Variants in SF3A3 observed in about 807,000 individuals in gnomAD.
SF3A3 encodes the protein SAP 61.
SF3A3 carries 9 observed loss-of-function variants against 85.8 expected under a neutral mutation model. That is an observed-to-expected ratio of 0.10 (90% CI 0.06 to 0.18). The LOEUF (loss-of-function observed/expected upper bound fraction) is 0.18, where lower values mean the gene tolerates loss of function less well. SF3A3 is among the 10% of genes least tolerant of loss of function. The probability of loss-of-function intolerance (pLI) is 1.00; values close to 1 mark genes in which losing one functional copy is unlikely to be tolerated. For synonymous variants in SF3A3, 195 were observed against 204.4 expected, an observed-to-expected ratio of 0.95 and a Z score of 0.39; for missense variants, 306 against 593.3, an observed-to-expected ratio of 0.52 and a Z score of 5.03.
intron 12 of SF3A3, among the ~76,000 whole-genome samples, chr1:37,975,630 A>T (rs971067647): frequency 1.3e-5 from 2 of 152,198 alleles, no homozygotes; most frequent in African/African-American, 4.8e-5. Flanking sequence ...AGCACAGCCC[A>T]AGTTCACAGC....
intron 8 of SF3A3, among the ~76,000 whole-genome samples, chr1:37,980,200 G>A (rs553613167): frequency 3.5e-4 from 53 of 152,240 alleles, no homozygotes; most frequent in African/African-American, 1.0e-3. Context: ...CGAGGTGGGC[G>A]GATCACCTGA....
At chr1:37,980,762 G>A in intron 7 of SF3A3, 38 bp from the exon 8 acceptor site, 2 of 1,528,984 alleles carry the variant, frequency 1.3e-6, no homozygotes, top group Non-Finnish European at 8.9e-7. Flanking sequence ...AGCAAAAAGG[G>A]TTTCTATTTT....
At chr1:37,977,775 G>A (rs1410326038) in intron 11 of SF3A3, among the ~76,000 whole-genome samples, 2 of 152,008 alleles carry the variant, frequency 1.3e-5, no homozygotes, top group Non-Finnish European at 2.9e-5. Context: ...GGCGGTGGAG[G>A]TTGCAGCGAG....
At position 37,962,667 on chromosome 1, in the gene SF3A3, C is replaced by T. The variant is rs924700635; in HGVS notation, c.1373-2492G>A. On this transcript the variant is annotated intron_variant, in intron 15 of 16. Transcript: ENST00000373019. The stretch of plus-strand genomic sequence containing the variant: ...GACCAATCACCTAAATGGCGATTTC[C>T]GGTGGCAATTTCAGAGGGCTCTTTC... 8.6e-5 allele frequency among the ~76,000 whole-genome samples: 13 copies of T among 150,666 alleles called. No individual in the cohort carries two copies. In the East Asian group the frequency reaches 9.7e-4, roughly 11 times the overall value.
chr1:37,969,121 C>G (rs893174542), intron 14 of SF3A3, among the ~76,000 whole-genome samples: 1 of 152,040 alleles, frequency 6.6e-6, no homozygotes, highest in Non-Finnish European at 1.5e-5. Flanking sequence ...AAGAGAAAAC[C>G]AAATAAGGTT....
chr1:37,963,305 C>A (rs1363896086), intron 15 of SF3A3, among the ~76,000 whole-genome samples: 1 of 152,062 alleles, frequency 6.6e-6, no homozygotes, highest in African/African-American at 2.4e-5. Flanking sequence ...AAGAGCAAGA[C>A]CCTGTCTCAG....
At chr1:37,974,078 T>C (rs977186237) in intron 12 of SF3A3, among the ~76,000 whole-genome samples, 5 of 151,932 alleles carry the variant, frequency 3.3e-5, no homozygotes, top group African/African-American at 1.2e-4. Flanking sequence ...TCGGGACCTG[T>C]TGTGGGGTTG....
intron 11 of SF3A3, among the ~76,000 whole-genome samples, chr1:37,977,375 G>C (rs577327398): frequency 6.6e-6 from 1 of 152,178 alleles, no homozygotes; most frequent in East Asian, 1.9e-4. Context: ...CTAATTTTCT[G>C]GGTTGTTGTG....
chr1:37,967,972 T>C, intron 15 of SF3A3, 72 bp downstream of exon 15: 1 of 860,484 alleles, frequency 1.2e-6, no homozygotes, highest in Non-Finnish European at 2.0e-6. Context: ...ATACACAGGG[T>C]ATTAGGATGC....
chr1:37,978,577 T>A, intron 11 of SF3A3, 143 bp downstream of exon 11: 1 of 600,402 alleles, frequency 1.7e-6, no homozygotes. Context: ...CTCTCTGCTA[T>A]TAGCAGAGAT....
At chr1:37,970,084 C>A (rs1237014484) in intron 12 of SF3A3, among the ~76,000 whole-genome samples, 1 of 152,118 alleles carries the variant, frequency 6.6e-6, no homozygotes, top group Non-Finnish European at 1.5e-5. Flanking sequence ...GTGGGAGAAT[C>A]ACTTGAGGCC....
chr1:37,989,773 G>GGCAGGGGGCGGAGC lies in SF3A3; in HGVS notation c.96+96_96+97insGCTCCGCCCCCTGC, dbSNP rs566751512. 4.3e-4 allele frequency: 531 copies of GGCAGGGGGCGGAGC among 1,242,844 alleles called. 6 individuals are homozygous for GGCAGGGGGCGGAGC. The South Asian group carries it at 5.6e-3, about 13-fold the overall frequency. The allele number at this position is 1,242,844 out of a possible 1,614,324, so 77.0% of individuals were successfully genotyped here. On this transcript the variant is annotated intron_variant, in intron 1 of 16. Coordinates refer to ENST00000373019, the MANE Select transcript of SF3A3 (RefSeq NM_006802.4). ...AGCTCGGAGAGGGAGCCCGGAGGAA[G>GGCAGGGGGCGGAGC]GCAGGGAGGTTCTGAGGGCCAAAGC... is the stretch of plus-strand genomic sequence containing the variant.
intron 9 of SF3A3, 156 bp downstream of exon 9, chr1:37,979,308 AT>A (rs1001012294): frequency 1.5e-6 from 1 of 655,002 alleles, no homozygotes; most frequent in Admixed American, 3.0e-5. Context: ...CCAAGTAGTA[AT>A]TTTTTTCTTT....
Position 37,984,217 on chromosome 1 carries a change from G to C in SF3A3, c.420C>G (p.Leu140=). 4 of 1,609,620 alleles carry C rather than the reference G, an allele frequency of 2.5e-6. No individual in the cohort carries two copies. The highest frequency in any genetic ancestry group is 3.4e-6 in the Non-Finnish European group (4 of 1,176,814). Residue 140 remains leucine, a synonymous_variant, in exon 6 of 17, where the codon CTC becomes CTG. Transcript: ENST00000373019. ...ACTTGAGGTAACAGTCATGGAGATC[G>C]AGATAACGACCATATCCCTCTTCAT... ...FTDEEGYGRY[L]DLHDCYLKYI...
At chr1:37,958,715 C>G (rs961383016) in intron 16 of SF3A3, among the ~76,000 whole-genome samples, 12 of 152,060 alleles carry the variant, frequency 7.9e-5, no homozygotes, top group African/African-American at 2.9e-4. Context: ...CTGCTTGATT[C>G]TATTTTATAT....
intron 4 of SF3A3, among the ~76,000 whole-genome samples, 172 bp downstream of exon 4, chr1:37,987,401 G>C (rs563198022): frequency 6.6e-6 from 1 of 152,302 alleles, no homozygotes; most frequent in East Asian, 1.9e-4. Context: ...AAAGCTGAGG[G>C]AGATACTGAA....
In SF3A3 at chr1:37,972,311, A is replaced by G. The variant is rs535012239; in HGVS notation, c.1006-2576T>C. 2.2e-4 allele frequency among the ~76,000 whole-genome samples: 33 copies of G among 152,356 alleles called. 1 individual carries two copies. Among genetic ancestry groups the G allele is most frequent in the Non-Finnish European group, 4.4e-5 (3 of 68,030 alleles). On this transcript the variant is annotated intron_variant, in intron 12 of 16. Transcript: ENST00000373019. Reference sequence around the variant, plus strand: ...ATCCAGCTTACAAGGGATGTGAAGGACCTCTTCAAGGAGAACTACAAACCA... The same window carrying G: ...ATCCAGCTTACAAGGGATGTGAAGGGCCTCTTCAAGGAGAACTACAAACCA...
chr1:37,969,316 A>G, intron 14 of SF3A3, 38 bp downstream of exon 14: 1 of 1,456,264 alleles, frequency 6.9e-7, no homozygotes, highest in Non-Finnish European at 9.6e-7. Flanking sequence ...TCATGTTTTT[A>G]CTTCAATTCC....
intron 11 of SF3A3, 67 bp downstream of exon 11, chr1:37,978,652 TG>T: frequency 1.0e-6 from 1 of 965,430 alleles, no homozygotes; most frequent in Non-Finnish European, 1.6e-6. Flanking sequence ...GTCTCCACTG[TG>T]GTTAAAAATT....
Sources: allele counts gnomAD v4.1 joint callset (sites outside exome capture counted in the v4.1 genomes callset), GRCh38; gene constraint gnomAD v4.1.1; transcripts MANE v1.5; gene names NCBI Gene and HGNC (gene_info 2026-07-23, HGNC 2026-07-21).